RBFOX1: variants seen among roughly 807,000 people sequenced by gnomAD.
RBFOX1 encodes RNA binding fox-1 homolog 1, also known as RNA binding protein fox-1 homolog 1.
A neutral mutation model predicts 57.7 loss-of-function variants in RBFOX1; 8 were observed. That is an observed-to-expected ratio of 0.14 (90% CI 0.08 to 0.25). RBFOX1 has a LOEUF of 0.25. RBFOX1 is among the 10% of genes least tolerant of loss of function. The pLI is 1.00. For missense variants in RBFOX1, 611 were observed against 548.5 expected (o/e 1.11, Z -1.14); for synonymous variants, 326 against 222.4 (o/e 1.47, Z -4.15).
chr16:5,615,145 C>G (rs568559556), intron 3 of RBFOX1, among the ~76,000 whole-genome samples: 106 of 152,322 alleles, frequency 7.0e-4, no homozygotes, highest in Admixed American at 1.8e-3. Flanking sequence ...AGTGATATTT[C>G]CATCCCAGCC....
rs1486679855 is a variant in RBFOX1 at position 7,208,718 on chromosome 16, T to G, written c.27+156620T>G. Among the ~76,000 whole-genome samples, 4 of 152,220 alleles carry G rather than the reference T, an allele frequency of 2.6e-5. No individual in the cohort carries two copies. The East Asian group carries it at 7.7e-4, about 29-fold the overall frequency. On this transcript the variant is annotated intron_variant, in intron 4 of 15. Transcript: ENST00000550418. ...TGGGCATGATGGCATATACCTGTAG[T>G]CCCAACTAATAGAGAGGCTGAAGCA... is the stretch of plus-strand genomic sequence containing the variant.
chr16:6,408,784 T>G (rs2093367249), intron 2 of RBFOX1, among the ~76,000 whole-genome samples: 1 of 152,106 alleles, frequency 6.6e-6, no homozygotes, highest in African/African-American at 2.4e-5. Context: ...CTCAGGAAAA[T>G]GACAGTGATT....
chr16:5,367,702 T>TA (rs2065756764), intron 1 of RBFOX1, among the ~76,000 whole-genome samples: 1 of 152,196 alleles, frequency 6.6e-6, no homozygotes, highest in South Asian at 2.1e-4. Flanking sequence ...TTAATCTTCA[T>TA]AACTGCGCTA....
At chr16:7,445,246 A>C (rs959216691) in intron 4 of RBFOX1, among the ~76,000 whole-genome samples, 4 of 152,138 alleles carry the variant, frequency 2.6e-5, no homozygotes, top group African/African-American at 9.7e-5. Context: ...TGAACAGTGG[A>C]AAGAAATTAA....
chr16:5,516,011 A>AAG (rs2043778843), intron 2 of RBFOX1, among the ~76,000 whole-genome samples: 2 of 152,188 alleles, frequency 1.3e-5, no homozygotes, highest in African/African-American at 4.8e-5. Context: ...GAGCTTAGCC[A>AAG]CAATATTGCC....
At chr16:5,589,927 C>G (rs1399960288) in intron 2 of RBFOX1, among the ~76,000 whole-genome samples, 1 of 152,184 alleles carries the variant, frequency 6.6e-6, no homozygotes, top group Non-Finnish European at 1.5e-5. Context: ...CCTGGGGCCA[C>G]TGGGCCATGG....
chr16:7,677,116 C>G (rs1439847482), intron 14 of RBFOX1, among the ~76,000 whole-genome samples: 3 of 144,500 alleles, frequency 2.1e-5, no homozygotes, highest in African/African-American at 7.8e-5. Flanking sequence ...GACAACGCAC[C>G]TTGCTCACAT....
intron 3 of RBFOX1, among the ~76,000 whole-genome samples, chr16:6,816,606 G>T (rs901958622): frequency 6.6e-6 from 1 of 151,620 alleles, no homozygotes; most frequent in Admixed American, 6.6e-5. Context: ...CAGGCGTGGT[G>T]GCGGGCACCT....
chr16:5,702,807 G>A (rs1426413684), intron 3 of RBFOX1, among the ~76,000 whole-genome samples: 1 of 152,164 alleles, frequency 6.6e-6, no homozygotes, highest in Admixed American at 6.5e-5. Flanking sequence ...TGTGTGTGTT[G>A]TGGAACTAAG....
chr16:5,310,737 T>C (rs901937108), intron 1 of RBFOX1, among the ~76,000 whole-genome samples: 1 of 152,234 alleles, frequency 6.6e-6, no homozygotes, highest in African/African-American at 2.4e-5. Flanking sequence ...TGTTGTGCTG[T>C]CATCCATCTT....
chr16:5,730,033 A>G (rs2052306886), intron 3 of RBFOX1, among the ~76,000 whole-genome samples: 1 of 152,082 alleles, frequency 6.6e-6, no homozygotes, highest in Non-Finnish European at 1.5e-5. Context: ...CTTCATCTAG[A>G]CTCAATTCCA....
rs146301234 is a variant in RBFOX1, at chr16:6,258,873, A to G, written c.-126-58122A>G. 6.8e-4 allele frequency among the ~76,000 whole-genome samples: 103 copies of G among 152,314 alleles called. 2 individuals carry two copies. The East Asian group carries it at 0.013, about 19-fold the overall frequency. ...TGTATCAAAACATCTCATGTACCCC[A>G]TAAAGATATACAGCTATCTATCCAC... On this transcript the variant is annotated intron_variant, in intron 1 of 15. Coordinates refer to ENST00000550418, the MANE Select transcript of RBFOX1 (RefSeq NM_018723.4).
intron 4 of RBFOX1, among the ~76,000 whole-genome samples, chr16:5,986,529 A>AT (rs1567223587): frequency 6.6e-6 from 1 of 152,052 alleles, no homozygotes; most frequent in Non-Finnish European, 1.5e-5. Context: ...TCATACCCAC[A>AT]TTCACCTCCC....
chr16:5,419,241 G>T (rs1006773024), intron 1 of RBFOX1, among the ~76,000 whole-genome samples: 15 of 152,178 alleles, frequency 9.9e-5, no homozygotes, highest in African/African-American at 3.4e-4. Flanking sequence ...ACGATCACAA[G>T]TTGAAGTGGT....
intron 2 of RBFOX1, among the ~76,000 whole-genome samples, chr16:5,592,382 G>A (rs917781684): frequency 6.6e-6 from 1 of 151,638 alleles, no homozygotes; most frequent in African/African-American, 2.4e-5. Flanking sequence ...GTCATAATTA[G>A]AAGGATCTTC....
intron 4 of RBFOX1, among the ~76,000 whole-genome samples, chr16:6,013,585 AACTG>A (rs2094974772): frequency 6.6e-6 from 1 of 152,164 alleles, no homozygotes; most frequent in Non-Finnish European, 1.5e-5. Flanking sequence ...TCTGACACAA[AACTG>A]ACTAAGTTTT....
At chr16:6,547,605 G>C (rs2096914182) in intron 2 of RBFOX1, among the ~76,000 whole-genome samples, 1 of 152,028 alleles carries the variant, frequency 6.6e-6, no homozygotes, top group African/African-American at 2.4e-5. Context: ...CCTGAGGGAG[G>C]GGAAAAGGAA....
At chr16:6,103,409 C>G (rs2096338563) in intron 1 of RBFOX1, among the ~76,000 whole-genome samples, 1 of 152,078 alleles carries the variant, frequency 6.6e-6, no homozygotes. Flanking sequence ...GTATCACGGT[C>G]ACACAATAAT....
At chr16:7,453,673 C>G (rs2057870672) in intron 4 of RBFOX1, among the ~76,000 whole-genome samples, 1 of 152,158 alleles carries the variant, frequency 6.6e-6, no homozygotes. Context: ...ATGCCAAGCA[C>G]TGGTCAAGGT....
Sources: allele counts gnomAD v4.1 joint callset (sites outside exome capture counted in the v4.1 genomes callset), GRCh38; gene constraint gnomAD v4.1.1; transcripts MANE v1.5; gene names NCBI Gene and HGNC (gene_info 2026-07-23, HGNC 2026-07-21).